The following DMC1 variants were observed in gnomAD, a reference collection of about 807,000 sequenced individuals.
DMC1 encodes the protein meiotic recombination protein DMC1 homolog.
Under a neutral mutation model 50.1 loss-of-function variants are expected in DMC1, and 27 were observed. That is an observed-to-expected ratio of 0.54 (90% CI 0.40 to 0.74). The LOEUF (loss-of-function observed/expected upper bound fraction) is 0.74, where lower values mean the gene tolerates loss of function less well. Ranked by LOEUF, DMC1 falls within the 30% of genes least tolerant of loss-of-function variation. The pLI is 0.00. For synonymous variants in DMC1, 148 were observed against 136.1 expected (o/e 1.09, Z -0.61); for missense variants, 295 against 420.2 (o/e 0.70, Z 2.60).
the DMC1 span, among the ~76,000 whole-genome samples, chr22:38,512,662 C>G: frequency 6.6e-6 from 1 of 152,212 alleles, no homozygotes; most frequent in Non-Finnish European, 1.5e-5. Flanking sequence ...GCAAGCCCCT[C>G]CTGGCTTCCC....
intron 5 of DMC1, among the ~76,000 whole-genome samples, chr22:38,559,098 C>T (rs1053913803): frequency 2.6e-5 from 4 of 152,132 alleles, no homozygotes; most frequent in East Asian, 1.9e-4. Flanking sequence ...GGCACGATCT[C>T]GGCTCACCAC....
chr22:38,515,982 GT>G (rs1220969727), downstream of DMC1, among the ~76,000 whole-genome samples: 1 of 151,938 alleles, frequency 6.6e-6, no homozygotes, highest in Non-Finnish European at 1.5e-5. Context: ...TCTTTTTTGA[GT>G]GCTCCTCTCC....
At chr22:38,522,980 T>A (rs1403596730) in intron 12 of DMC1, among the ~76,000 whole-genome samples, 2 of 152,176 alleles carry the variant, frequency 1.3e-5, no homozygotes, top group African/African-American at 2.4e-5. Flanking sequence ...CTATGGCACA[T>A]ATCTGTAGTC....
At position 38,521,538 on chromosome 22, in the gene DMC1, TACACACACACACACACACACAC is replaced by T. The variant is rs111317680; in HGVS notation, c.953+48_953+69del. The stretch of plus-strand genomic sequence containing the variant: ...GGGCAACATGGCAAAACCCCGTCTC[TACACACACACACACACACACAC>T]ACACACACACACACACACACACACA... On this transcript the variant is annotated intron_variant, in intron 13 of 13. Coordinates refer to ENST00000216024, the MANE Select transcript of DMC1 (RefSeq NM_007068.4). 4,410 of 643,068 alleles carry T rather than the reference TACACACACACACACACACACAC, an allele frequency of 6.9e-3. 14 individuals are homozygous for T. The highest frequency in any genetic ancestry group is 9.1e-3 in the Non-Finnish European group (3,552 of 391,166). 39.8% of individuals were successfully genotyped at this position (643,068 alleles called of 1,614,324 possible).
rs879138764 is a variant in DMC1, at chr22:38,519,901, ACTTTT to A, written c.*114_*118del. The stretch of plus-strand genomic sequence containing the variant: ...ATATAAGATTTAAATCTCTTTGCTG[ACTTTT>A]CTTTAGTAACATGTGGGAAAAAACC... On this transcript the variant is annotated 3_prime_UTR_variant, in exon 14 of 14. Coordinates refer to ENST00000216024, the MANE Select transcript of DMC1 (RefSeq NM_007068.4). The A allele has an allele frequency of 1.1e-4, 85 of 776,044 alleles. 1 individual carries two copies. The East Asian group carries it at 1.4e-3, about 12-fold the overall frequency. The allele number at this position is 776,044 out of a possible 1,614,324, so 48.1% of individuals were successfully genotyped here.
chr22:38,541,446 C>T (rs2090279682), intron 8 of DMC1, among the ~76,000 whole-genome samples: 1 of 152,260 alleles, frequency 6.6e-6, no homozygotes, highest in South Asian at 2.1e-4. Flanking sequence ...CGTGTGCCAC[C>T]ATGCCCAGCT....
chr22:38,521,406 T>C (rs1303765512), intron 13 of DMC1, among the ~76,000 whole-genome samples: 3 of 152,016 alleles, frequency 2.0e-5, no homozygotes, highest in Non-Finnish European at 4.4e-5. Flanking sequence ...ACACACAGCA[T>C]CTGGCAGTAA....
chr22:38,542,859 T>C (rs1217137142), intron 8 of DMC1, among the ~76,000 whole-genome samples: 1 of 152,162 alleles, frequency 6.6e-6, no homozygotes, highest in Non-Finnish European at 1.5e-5. Context: ...AACAGATGCA[T>C]AGACCAATGG....
At chr22:38,509,351 C>T in the DMC1 span, among the ~76,000 whole-genome samples, 4 of 152,126 alleles carry the variant, frequency 2.6e-5, no homozygotes, top group African/African-American at 4.8e-5. Context: ...ATGTGTTGTT[C>T]CCCCGCTCCA....
At chr22:38,546,656 T>G (rs1283103544) in intron 8 of DMC1, among the ~76,000 whole-genome samples, 1 of 152,186 alleles carries the variant, frequency 6.6e-6, no homozygotes, top group South Asian at 2.1e-4. Flanking sequence ...GTATTTTAGA[T>G]AGTAAATTCT....
chr22:38,544,723 T>C (rs1290261590), intron 8 of DMC1, among the ~76,000 whole-genome samples: 1 of 151,542 alleles, frequency 6.6e-6, no homozygotes, highest in African/African-American at 2.4e-5. Context: ...CCTCCTGGAA[T>C]CAAGCAATTC....
chr22:38,542,020 A>T (rs867876349), intron 8 of DMC1, among the ~76,000 whole-genome samples: 85 of 125,056 alleles, frequency 6.8e-4, no homozygotes, highest in African/African-American at 3.7e-3. Flanking sequence ...ATTTATGATA[A>T]AAAAAAAACC....
intron 12 of DMC1, among the ~76,000 whole-genome samples, chr22:38,525,694 C>T (rs1458558213): frequency 1.3e-5 from 2 of 151,956 alleles, no homozygotes; most frequent in African/African-American, 4.8e-5. Context: ...TAATCCCAGC[C>T]CTTTGGGAGG....
At chr22:38,566,440 T>C in intron 4 of DMC1, 150 bp downstream of exon 4, 1 of 822,784 alleles carries the variant, frequency 1.2e-6, no homozygotes, top group Non-Finnish European at 2.0e-6. Flanking sequence ...GCTTTGAAAC[T>C]GAAGTGATAA....
chr22:38,540,853 C>G (rs2090273350), intron 8 of DMC1, among the ~76,000 whole-genome samples: 1 of 152,106 alleles, frequency 6.6e-6, no homozygotes, highest in African/African-American at 2.4e-5. Context: ...TTGTGGCAGG[C>G]CAGGTCTTAC....
chr22:38,565,351 T>G (rs2090570451), intron 4 of DMC1, among the ~76,000 whole-genome samples: 1 of 152,142 alleles, frequency 6.6e-6, no homozygotes, highest in African/African-American at 2.4e-5. Context: ...CAACTTTCCA[T>G]AAGACATGGC....
chr22:38,519,746 A>G lies in DMC1; in HGVS notation c.*274T>C, dbSNP rs1026208076. On this transcript the variant is annotated 3_prime_UTR_variant, in exon 14 of 14. Coordinates refer to ENST00000216024, the MANE Select transcript of DMC1 (RefSeq NM_007068.4). Reference sequence around the variant, plus strand: ...ACATACACAGAGTGAGAGAATTTCAATAGGTATATATATCTACTATATATG... The same window carrying G: ...ACATACACAGAGTGAGAGAATTTCAGTAGGTATATATATCTACTATATATG... The G allele has an allele frequency of 7.3e-5, 29 of 396,616 alleles. No individual in the cohort carries two copies. The highest frequency in any genetic ancestry group is 5.2e-4 in the African/African-American group (25 of 48,240). The allele number at this position is 396,616 out of a possible 1,614,324, so 24.6% of individuals were successfully genotyped here.
Position 38,549,919 on chromosome 22 carries a change from G to A in DMC1, c.494+6C>T. 1.9e-6 allele frequency: 3 copies of A among 1,605,988 alleles called. No homozygotes were observed. The highest frequency in any genetic ancestry group is 1.1e-5 in the South Asian group (1 of 90,852). On this transcript the variant is annotated splice_donor_region_variant and intron_variant, in intron 8 of 13. Coordinates refer to ENST00000216024, the MANE Select transcript of DMC1 (RefSeq NM_007068.4). The stretch of plus-strand genomic sequence containing the variant: ...TTATGTTAGCAACTTTAAATAAAAA[G>A]GTTACAAAGTATTTTCTGTATCAAT...
At chr22:38,557,605 C>T (rs1329325165) in intron 5 of DMC1, among the ~76,000 whole-genome samples, 3 of 152,000 alleles carry the variant, frequency 2.0e-5, no homozygotes, top group African/African-American at 7.3e-5. Flanking sequence ...ACTCAGGCTG[C>T]AGTGAGCCGT....
Sources: allele counts gnomAD v4.1 joint callset (sites outside exome capture counted in the v4.1 genomes callset), GRCh38; gene constraint gnomAD v4.1.1; transcripts MANE v1.5; gene names NCBI Gene and HGNC (gene_info 2026-07-23, HGNC 2026-07-21).